WWC2: variants seen among roughly 807,000 people sequenced by gnomAD.
WWC2 encodes protein WWC2.
WWC2 carries 101 observed loss-of-function variants against 138.5 expected under a neutral mutation model. The ratio of observed to expected loss-of-function variants is 0.73; its 90% CI spans 0.62 to 0.86. WWC2 has a LOEUF of 0.86. Among genes scored for constraint, WWC2 ranks in the 40% least tolerant of loss-of-function variants. The pLI is 0.00. For synonymous variants in WWC2, 558 were observed against 538.4 expected (o/e 1.04, Z -0.50); for missense variants, 1,420 against 1,419.4 (o/e 1.00, Z -0.01).
intron 1 of WWC2, among the ~76,000 whole-genome samples, chr4:183,156,567 G>C (rs1733811703): frequency 6.6e-6 from 1 of 151,854 alleles, no homozygotes; most frequent in Admixed American, 6.6e-5. Context: ...CCTGACCTTG[G>C]GGGATCCACC....
intron 21 of WWC2, among the ~76,000 whole-genome samples, chr4:183,299,188 A>G (rs142782451): frequency 3.9e-5 from 6 of 152,114 alleles, no homozygotes; most frequent in African/African-American, 1.4e-4. Context: ...CTCCCAAAAA[A>G]GCTATTTGAT....
Position 183,186,671 on chromosome 4 carries a change from T to G in WWC2, c.132-6928T>G, listed in dbSNP as rs540864977. On this transcript the variant is annotated intron_variant, in intron 1 of 22. Transcript: ENST00000403733. ...AGCGGCTGGGGTAAGGGCAGGAGACTGGCAGGCTAGCCTGGAGGAGGGGAT... is the reference window on the plus strand; with the variant it reads ...AGCGGCTGGGGTAAGGGCAGGAGACGGGCAGGCTAGCCTGGAGGAGGGGAT... Among the ~76,000 whole-genome samples the G allele has an allele frequency of 5.3e-5, 8 of 152,126 alleles. No individual in the cohort carries two copies. In the South Asian group the frequency reaches 1.2e-3, roughly 24 times the overall value.
At chr4:183,216,372 A>T (rs773060723) in intron 4 of WWC2, among the ~76,000 whole-genome samples, 22 of 152,174 alleles carry the variant, frequency 1.4e-4, no homozygotes, top group Admixed American at 1.3e-4. Flanking sequence ...ACAATTTTAG[A>T]TGTGTCTTTA....
chr4:183,207,807 C>A, intron 2 of WWC2, 146 bp from the exon 3 acceptor site: 1 of 674,044 alleles, frequency 1.5e-6, no homozygotes, highest in Non-Finnish European at 2.3e-6. Flanking sequence ...TAAAATAAAA[C>A]TAAAATTTCT....
chr4:183,313,214 C>T (rs1281215962), intron 22 of WWC2, among the ~76,000 whole-genome samples: 3 of 152,108 alleles, frequency 2.0e-5, no homozygotes, highest in African/African-American at 7.2e-5. Context: ...GGTGAGCCTG[C>T]CCAGGAGAAC....
intron 4 of WWC2, among the ~76,000 whole-genome samples, chr4:183,227,592 T>C (rs2111279343): frequency 6.6e-6 from 1 of 152,034 alleles, no homozygotes; most frequent in Non-Finnish European, 1.5e-5. Flanking sequence ...ACCATGAAAA[T>C]TATCAAGAAA....
At chr4:183,223,645 C>T (rs1735987471) in intron 4 of WWC2, among the ~76,000 whole-genome samples, 1 of 152,100 alleles carries the variant, frequency 6.6e-6, no homozygotes, top group South Asian at 2.1e-4. Context: ...TTTTTTGAAT[C>T]AGGGTGTAAA....
rs192453246 is a variant in WWC2 at position 183,164,581 on chromosome 4, T to C, written c.132-29018T>C. Among the ~76,000 whole-genome samples the C allele has an allele frequency of 5.9e-5, 9 of 152,076 alleles. No individual in the cohort carries two copies. The East Asian group carries it at 1.7e-3, about 29-fold the overall frequency. ...GGGAAGCTCTTTAGACAGTTCACAC[T>C]GTTGGAGAAAAACCCTGTGATATGA... On this transcript the variant is annotated intron_variant, in intron 1 of 22. Coordinates refer to ENST00000403733, the MANE Select transcript of WWC2 (RefSeq NM_024949.6).
intron 1 of WWC2, among the ~76,000 whole-genome samples, chr4:183,175,335 C>T (rs1035575909): frequency 6.6e-6 from 1 of 152,048 alleles, no homozygotes; most frequent in African/African-American, 2.4e-5. Context: ...GATCTTGGCT[C>T]ACTGTAGCCT....
chr4:183,320,553 T>C lies in WWC2; in HGVS notation c.*4824T>C. ...AAGGTTAAAATGGCTTTCATGTTAT[T>C]CCCAACCTTTCTAACAAAGAATTAA... On this transcript the variant is annotated 3_prime_UTR_variant, in exon 23 of 23. Transcript: ENST00000403733. 3.4e-6 allele frequency: 1 copy of C among 292,520 alleles called. No homozygotes were observed. Among genetic ancestry groups the C allele is most frequent in the Non-Finnish European group, 6.7e-6 (1 of 148,294 alleles). 18.1% of individuals were successfully genotyped at this position (292,520 alleles called of 1,614,324 possible). A position where few individuals can be genotyped will look rare whatever the true frequency, so the allele number is the denominator to read the frequency against.
chr4:183,260,394 A>C (rs917885294), intron 10 of WWC2, among the ~76,000 whole-genome samples: 1 of 152,240 alleles, frequency 6.6e-6, no homozygotes, highest in Non-Finnish European at 1.5e-5. Context: ...GAAAAGGTTA[A>C]CGAAGAAGCA....
chr4:183,226,510 G>T (rs1277715181), intron 4 of WWC2, among the ~76,000 whole-genome samples: 1 of 151,918 alleles, frequency 6.6e-6, no homozygotes, highest in Non-Finnish European at 1.5e-5. Context: ...GCTTAAAGAA[G>T]AATACTAATA....
chr4:183,119,599 A>G (rs914625071), intron 1 of WWC2, among the ~76,000 whole-genome samples: 1 of 152,234 alleles, frequency 6.6e-6, no homozygotes, highest in Non-Finnish European at 1.5e-5. Context: ...TTGCCCATGT[A>G]TGTTGGAAAA....
intron 9 of WWC2, among the ~76,000 whole-genome samples, chr4:183,254,814 A>G (rs1737086763): frequency 6.6e-6 from 1 of 152,228 alleles, no homozygotes; most frequent in Non-Finnish European, 1.5e-5. Flanking sequence ...TCACATTGAT[A>G]TAATTTCAAG....
intron 21 of WWC2, among the ~76,000 whole-genome samples, chr4:183,309,850 G>A (rs780759873): frequency 2.0e-5 from 3 of 152,188 alleles, no homozygotes; most frequent in Non-Finnish European, 4.4e-5. Context: ...AAGTAAACTG[G>A]TATATCCAGA....
At position 183,261,504 on chromosome 4, in the gene WWC2, T is replaced by G; in HGVS notation, c.1881T>G (p.Ala627=). 1 of 1,612,422 alleles carries G rather than the reference T, an allele frequency of 6.2e-7. No homozygotes were observed. Among genetic ancestry groups the G allele is most frequent in the Non-Finnish European group, 8.5e-7 (1 of 1,179,266 alleles). The change falls in exon 11 of 23, where the codon GCT becomes GCG. Residue 627 remains alanine (A), a synonymous_variant. Coordinates refer to ENST00000403733, the MANE Select transcript of WWC2 (RefSeq NM_024949.6). ...LSEDKDLNEC[A]REPLYEGTAD... ...AGGATAAAGACCTTAATGAATGTGCTAGGGAGCCATTATATGAAGGAACTG... is the reference window on the plus strand; with the variant it reads ...AGGATAAAGACCTTAATGAATGTGCGAGGGAGCCATTATATGAAGGAACTG...
At chr4:183,195,946 T>C (rs1263827677) in intron 2 of WWC2, among the ~76,000 whole-genome samples, 1 of 152,110 alleles carries the variant, frequency 6.6e-6, no homozygotes, top group African/African-American at 2.4e-5. Context: ...TGGGAGGTGA[T>C]TGGATCGTGG....
chr4:183,294,496 C>CT (rs1167791084), intron 21 of WWC2, among the ~76,000 whole-genome samples: 3 of 152,152 alleles, frequency 2.0e-5, no homozygotes, highest in Admixed American at 6.5e-5. Flanking sequence ...AGGGTGGTAT[C>CT]TGTGTGGAGT....
Position 183,250,011 on chromosome 4 carries a change from G to T in WWC2, c.953+18G>T. ...AAAAGAAGGTAATGACAGAGAAGCTGTTTTGTGCATGGCTCAAACATTTTC... is the reference window on the plus strand; with the variant it reads ...AAAAGAAGGTAATGACAGAGAAGCTTTTTTGTGCATGGCTCAAACATTTTC... On this transcript the variant is annotated intron_variant, in intron 8 of 22. Transcript: ENST00000403733. The T allele has an allele frequency of 6.2e-7, 1 of 1,608,158 alleles. No homozygotes were observed. Among genetic ancestry groups the T allele is most frequent in the Non-Finnish European group, 8.5e-7 (1 of 1,175,070 alleles).
Sources: allele counts gnomAD v4.1 joint callset (sites outside exome capture counted in the v4.1 genomes callset), GRCh38; gene constraint gnomAD v4.1.1; transcripts MANE v1.5; gene names NCBI Gene and HGNC (gene_info 2026-07-23, HGNC 2026-07-21).